ORC3: variants seen among roughly 807,000 people sequenced by gnomAD.
ORC3 encodes the protein homolog of latheo, Drosophila.
A neutral mutation model predicts 100.7 loss-of-function variants in ORC3; 78 were observed. The ratio of observed to expected loss-of-function variants is 0.77; its 90% CI spans 0.65 to 0.94. The LOEUF is 0.94. Among genes scored for constraint, ORC3 ranks in the 40% least tolerant of loss-of-function variants. ORC3 has a pLI of 0.00. For synonymous variants in ORC3, 295 were observed against 289.3 expected, an observed-to-expected ratio of 1.02 and a Z score of -0.20; for missense variants, 789 against 823.9, an observed-to-expected ratio of 0.96 and a Z score of 0.52.
At chr6:87,593,910 T>G (rs1777230043) in intron 1 of ORC3, among the ~76,000 whole-genome samples, 1 of 152,248 alleles carries the variant, frequency 6.6e-6, no homozygotes, top group Non-Finnish European at 1.5e-5. Flanking sequence ...TTGGCCAGGC[T>G]GGTCTCAAAC....
At chr6:87,644,079 CTTTTTTTTTTTTTTTTTTTTTT>C in intron 13 of ORC3, among the ~76,000 whole-genome samples, 1 of 51,426 alleles carries the variant, frequency 1.9e-5, no homozygotes, top group South Asian at 8.6e-4. Flanking sequence ...GCTGACTGTC[CTTTTTTTTTTTTTTTTTTTTTT>C]TTTTTTTTTG....
intron 1 of ORC3, among the ~76,000 whole-genome samples, chr6:87,591,632 G>A (rs1582977052): frequency 1.3e-5 from 2 of 152,186 alleles, no homozygotes; most frequent in East Asian, 3.9e-4. Context: ...AAGCATTTTT[G>A]GTATTATAAC....
In ORC3 at chr6:87,603,031, G is replaced by A. The variant is rs543756457; in HGVS notation, c.178-353G>A. On this transcript the variant is annotated intron_variant, in intron 3 of 19. Transcript: ENST00000392844. Reference sequence around the variant, plus strand: ...GTCTTGCTCTGTCACCCAGGCTGGCGTGTAGTGGCATGATCATAGCTTACT... The same window carrying A: ...GTCTTGCTCTGTCACCCAGGCTGGCATGTAGTGGCATGATCATAGCTTACT... Among the ~76,000 whole-genome samples, 8 of 143,240 alleles carry A rather than the reference G, an allele frequency of 5.6e-5. 2 individuals carry two copies. The highest frequency in any genetic ancestry group is 4.4e-4 in the South Asian group (2 of 4,526). 94.0% of individuals were successfully genotyped at this position (143,240 alleles called of 152,430 possible). A position where few individuals can be genotyped will look rare whatever the true frequency, so the allele number is the denominator to read the frequency against.
At chr6:87,602,952 A>ATT (rs569461374) in intron 3 of ORC3, among the ~76,000 whole-genome samples, 1,140 of 112,800 alleles carry the variant, frequency 0.01, 35 homozygotes, top group African/African-American at 0.039. Context: ...ATACACATAT[A>ATT]TAATATATAT....
At chr6:87,599,443 C>CCTGGG (rs1777719929) in intron 2 of ORC3, among the ~76,000 whole-genome samples, 1 of 151,934 alleles carries the variant, frequency 6.6e-6, no homozygotes, top group African/African-American at 2.4e-5. Flanking sequence ...TTTCAGCTCA[C>CCTGGG]TGCAACCTCT....
chr6:87,616,667 TGG>T (rs1779174548), intron 9 of ORC3, among the ~76,000 whole-genome samples: 1 of 152,200 alleles, frequency 6.6e-6, no homozygotes, highest in Non-Finnish European at 1.5e-5. Flanking sequence ...TTAACCATTT[TGG>T]GGGTAGGGGC....
intron 1 of ORC3, among the ~76,000 whole-genome samples, chr6:87,592,724 A>AT (rs1263445710): frequency 6.6e-6 from 1 of 152,236 alleles, no homozygotes; most frequent in African/African-American, 2.4e-5. Context: ...CTTTAACACT[A>AT]TCCTGAGACA....
intron 13 of ORC3, among the ~76,000 whole-genome samples, chr6:87,637,736 A>G (rs1476391416): frequency 6.6e-6 from 1 of 152,212 alleles, no homozygotes; most frequent in African/African-American, 2.4e-5. Context: ...TCCCAACACC[A>G]GTTGTCTTAG....
At chr6:87,665,137 A>G (rs1770496927) in intron 18 of ORC3, among the ~76,000 whole-genome samples, 1 of 152,210 alleles carries the variant, frequency 6.6e-6, no homozygotes, top group Admixed American at 6.6e-5. Flanking sequence ...ATCTAACCCA[A>G]TAGTTAGCAT....
At chr6:87,672,466 A>G in the ORC3 span, among the ~76,000 whole-genome samples, 1 of 152,220 alleles carries the variant, frequency 6.6e-6, no homozygotes, top group African/African-American at 2.4e-5. Flanking sequence ...ACCTGGGGCA[A>G]ATGCAGGAGC....
chr6:87,636,253 C>G (rs1767820305), intron 12 of ORC3, among the ~76,000 whole-genome samples, 154 bp from the exon 13 acceptor site: 1 of 152,076 alleles, frequency 6.6e-6, no homozygotes, highest in Admixed American at 6.6e-5. Flanking sequence ...TCTTATAAAG[C>G]CTGATCCATG....
chr6:87,610,934 C>CTTTTTTTT lies in ORC3; in HGVS notation c.714-1142_714-1135dup, dbSNP rs67349945. Reference sequence around the variant, plus strand: ...AAGAGTTCTATATATTAGGACTTTTCTTTTTTTTTTTTTTTTTTTTGAGAC... The same window carrying CTTTTTTTT: ...AAGAGTTCTATATATTAGGACTTTTCTTTTTTTTTTTTTTTTTTTTTTTTTTTTGAGAC... On this transcript the variant is annotated intron_variant, in intron 7 of 19. Transcript: ENST00000392844. Among the ~76,000 whole-genome samples, 4 of 106,812 alleles carry CTTTTTTTT rather than the reference C, an allele frequency of 3.7e-5. 1 individual carries two copies. Among genetic ancestry groups the CTTTTTTTT allele is most frequent in the African/African-American group, 7.3e-5 (2 of 27,360 alleles). The allele number at this position is 106,812 out of a possible 152,430, so 70.1% of individuals were successfully genotyped here.
chr6:87,616,190 T>C (rs1407235259), intron 8 of ORC3, 124 bp from the exon 9 acceptor site: 1 of 436,684 alleles, frequency 2.3e-6, no homozygotes, highest in East Asian at 3.4e-5. Context: ...AAACTAGCTA[T>C]TATTGCAGCT....
intron 11 of ORC3, among the ~76,000 whole-genome samples, chr6:87,631,578 C>T (rs754446221): frequency 1.3e-5 from 2 of 151,996 alleles, no homozygotes; most frequent in African/African-American, 4.8e-5. Context: ...CGGCAACCTC[C>T]GCCTCCTGGG....
chr6:87,657,590 T>C (rs1180249379), intron 15 of ORC3, among the ~76,000 whole-genome samples: 1 of 152,168 alleles, frequency 6.6e-6, no homozygotes, highest in Non-Finnish European at 1.5e-5. Flanking sequence ...AGGCAAGATT[T>C]TTTTCTTTAT....
intron 11 of ORC3, among the ~76,000 whole-genome samples, chr6:87,623,489 T>C (rs144077993): frequency 2.1e-4 from 32 of 152,364 alleles, no homozygotes; most frequent in African/African-American, 7.2e-4. Flanking sequence ...TAGAACTTTC[T>C]GTCAGAGTTA....
chr6:87,627,120 C>T (rs1213412462), intron 11 of ORC3, among the ~76,000 whole-genome samples: 1 of 151,762 alleles, frequency 6.6e-6, no homozygotes, highest in Non-Finnish European at 1.5e-5. Flanking sequence ...GCCTCAGCCT[C>T]CCAAGTAGCT....
chr6:87,627,256 C>T (rs566158413), intron 11 of ORC3, among the ~76,000 whole-genome samples: 8 of 149,152 alleles, frequency 5.4e-5, no homozygotes, highest in African/African-American at 9.9e-5. Context: ...GCCTCGGCCC[C>T]GCAAAGTGCT....
rs1490763129 is a variant in ORC3, at chr6:87,612,090, C to G, written c.715C>G (p.Gln239Glu). The G allele has an allele frequency of 5.0e-6, 8 of 1,607,328 alleles. No individual in the cohort carries two copies. The highest frequency in any genetic ancestry group is 6.8e-6 in the Non-Finnish European group (8 of 1,178,344). The part of the protein sequence containing the change: ...VLQDFIIISS[Q>E]HLHEFPLILI... Reference sequence around the variant, plus strand: ...TTTGTGTCTGTCTTTCAAAACTAGTCAACATCTCCATGAATTTCCACTAAT... The same window carrying G: ...TTTGTGTCTGTCTTTCAAAACTAGTGAACATCTCCATGAATTTCCACTAAT... The change falls in exon 8 of 20, where the codon CAA becomes GAA. Residue 239 changes from glutamine to glutamate, a missense_variant and splice_region_variant. By Grantham distance (29) the Gln-to-Glu change is conservative. Coordinates refer to ENST00000392844, the MANE Select transcript of ORC3 (RefSeq NM_012381.4).
Sources: allele counts gnomAD v4.1 joint callset (sites outside exome capture counted in the v4.1 genomes callset), GRCh38; gene constraint gnomAD v4.1.1; transcripts MANE v1.5; gene names NCBI Gene and HGNC (gene_info 2026-07-23, HGNC 2026-07-21).